EFCAB8: variants seen among roughly 807,000 people sequenced by gnomAD.
The protein encoded by EFCAB8 is EF-hand calcium binding domain 8.
Under a neutral mutation model 116.3 loss-of-function variants are expected in EFCAB8, and 100 were observed. That is an observed-to-expected ratio of 0.86 (90% confidence interval 0.73 to 1.02). EFCAB8 has a LOEUF of 1.02. Among genes scored for constraint, EFCAB8 ranks in the 50% least tolerant of loss-of-function variants. The pLI is 0.00. For synonymous variants in EFCAB8, 558 were observed against 567.9 expected (o/e 0.98, Z 0.25); for missense variants, 1,320 against 1,416.9 (o/e 0.93, Z 1.10).
intron 5 of EFCAB8, among the ~76,000 whole-genome samples, chr20:32,882,607 A>G (rs6141840): frequency 0.23 from 35,046 of 152,012 alleles, 4,240 homozygotes; most frequent in East Asian, 0.35. Flanking sequence ...TGCAACCTCC[A>G]CTTCCTGGGT....
Position 32,891,890 on chromosome 20 carries a change from A to G in EFCAB8, c.674-323A>G, listed in dbSNP as rs1285428925. On this transcript the variant is annotated intron_variant, in intron 7 of 26. Coordinates refer to ENST00000400522, the MANE Select transcript of EFCAB8 (RefSeq NM_001143967.2). ...GTCACCCAGGCTGTAGTGCAGTGGT[A>G]CAATCACTGCTCACTGCAGTCTCAA... is the stretch of plus-strand genomic sequence containing the variant. 2.0e-5 allele frequency among the ~76,000 whole-genome samples: 3 copies of G among 151,580 alleles called. No homozygotes were observed. In the East Asian group the frequency reaches 5.8e-4, roughly 29 times the overall value.
intron 22 of EFCAB8, among the ~76,000 whole-genome samples, chr20:32,933,988 CAATCA>C (rs1226212615): frequency 6.7e-6 from 1 of 149,664 alleles, no homozygotes; most frequent in Non-Finnish European, 1.5e-5. Flanking sequence ...AAAAATCAAT[CAATCA>C]AATCAAAGCA....
intron 23 of EFCAB8, among the ~76,000 whole-genome samples, chr20:32,955,909 T>C (rs1988952575): frequency 6.6e-6 from 1 of 152,208 alleles, no homozygotes; most frequent in Non-Finnish European, 1.5e-5. Context: ...AATTGAGTCT[T>C]ATTTTTTTCA....
At chr20:32,954,078 T>C (rs1409868752) in intron 23 of EFCAB8, among the ~76,000 whole-genome samples, 5 of 152,164 alleles carry the variant, frequency 3.3e-5, no homozygotes. Context: ...AGTGCTGGGA[T>C]CTTAGATGTG....
chr20:32,872,054 T>C lies in EFCAB8; in HGVS notation c.209-3872T>C, dbSNP rs556204508. On this transcript the variant is annotated intron_variant, in intron 3 of 26. Coordinates refer to ENST00000400522, the MANE Select transcript of EFCAB8 (RefSeq NM_001143967.2). ...TGGCTGTAACTCCAGATAAACAAGA[T>C]GGGTCCCTCTTTTAGCAAGGCATGA... Among the ~76,000 whole-genome samples the C allele has an allele frequency of 9.2e-5, 14 of 152,306 alleles. No individual in the cohort carries two copies. In the South Asian group the frequency reaches 2.9e-3, roughly 32 times the overall value.
intron 17 of EFCAB8, 94 bp from the exon 18 acceptor site, chr20:32,917,207 G>A (rs559266345): frequency 5.8e-5 from 57 of 990,566 alleles, no homozygotes; most frequent in Admixed American, 3.1e-4. Context: ...CCTCTGAGTC[G>A]GCTCCCAGAA....
chr20:32,927,365 G>A (rs1393587501), intron 20 of EFCAB8, among the ~76,000 whole-genome samples: 2 of 151,874 alleles, frequency 1.3e-5, no homozygotes, highest in Non-Finnish European at 2.9e-5. Flanking sequence ...ATTTTTTTGA[G>A]ACAGAGTCTC....
At position 32,959,923 on chromosome 20, in the gene EFCAB8, G is replaced by A. The variant is rs1989089266; in HGVS notation, c.3235G>A (p.Glu1079Lys). 2 of 1,551,688 alleles carry A rather than the reference G, an allele frequency of 1.3e-6. No homozygotes were observed. ...GGCCCTGATGTCCCCGTGGGCCGGA[G>A]AGCGCCCCCTGGAAGACATTGAGGA... ...KMALMSPWAG[E>K]RPLEDIEDSW... Residue 1079 changes from glutamate (E) to lysine (K), a missense_variant, in exon 25 of 27, where the codon GAG (glutamate) becomes AAG (lysine). Coordinates refer to ENST00000400522, the MANE Select transcript of EFCAB8 (RefSeq NM_001143967.2).
intron 22 of EFCAB8, among the ~76,000 whole-genome samples, chr20:32,939,998 T>C (rs1229248683): frequency 9.7e-6 from 1 of 102,696 alleles, no homozygotes; most frequent in East Asian, 2.2e-4. Context: ...CCTGCCTGCC[T>C]GCCTGCCTCC....
intron 3 of EFCAB8, 106 bp downstream of exon 3, chr20:32,867,853 G>A (rs767471541): frequency 1.2e-5 from 15 of 1,274,778 alleles, no homozygotes; most frequent in Non-Finnish European, 1.2e-5. Flanking sequence ...TTTTTTTTTT[G>A]TTTTTGAGAC....
chr20:32,905,759 C>CAAAAAAAAAAAAAAAAAAA (rs571052063), intron 11 of EFCAB8, among the ~76,000 whole-genome samples: 12 of 71,482 alleles, frequency 1.7e-4, no homozygotes, highest in Non-Finnish European at 2.3e-4. Context: ...GACTCCATCT[C>CAAAAAAAAAAAAAAAAAAA]AAAAAAAAAA....
At chr20:32,904,037 A>T (rs2146231738) in intron 11 of EFCAB8, among the ~76,000 whole-genome samples, 1 of 151,996 alleles carries the variant, frequency 6.6e-6, no homozygotes, top group Middle Eastern at 3.4e-3. Flanking sequence ...TTTCTGAGGC[A>T]GGGTGTCGTT....
chr20:32,929,040 A>T (rs770871404), intron 20 of EFCAB8, among the ~76,000 whole-genome samples: 1 of 152,006 alleles, frequency 6.6e-6, no homozygotes, highest in Non-Finnish European at 1.5e-5. Flanking sequence ...TCACTTGGTC[A>T]TGGTATATAA....
chr20:32,876,296 G>A (rs1159098067), intron 4 of EFCAB8, among the ~76,000 whole-genome samples: 1 of 152,166 alleles, frequency 6.6e-6, no homozygotes, highest in Non-Finnish European at 1.5e-5. Flanking sequence ...AGTGTGCAGC[G>A]GTGACCCCAC....
intron 3 of EFCAB8, among the ~76,000 whole-genome samples, chr20:32,872,391 G>A (rs1308135011): frequency 6.6e-6 from 1 of 152,282 alleles, no homozygotes; most frequent in Non-Finnish European, 1.5e-5. Context: ...ACCCTCAGGG[G>A]ACCAATGTTT....
intron 5 of EFCAB8, among the ~76,000 whole-genome samples, chr20:32,883,729 C>T (rs976657479): frequency 6.6e-6 from 1 of 151,950 alleles, no homozygotes; most frequent in Non-Finnish European, 1.5e-5. Flanking sequence ...CTCACTCTGT[C>T]ACCCAGGCTG....
intron 11 of EFCAB8, among the ~76,000 whole-genome samples, chr20:32,901,835 G>A (rs771772884): frequency 7.2e-5 from 11 of 152,146 alleles, no homozygotes; most frequent in Non-Finnish European, 1.2e-4. Flanking sequence ...TTACAGGCAC[G>A]CGCCATCATG....
intron 5 of EFCAB8, 90 bp downstream of exon 5, chr20:32,878,897 C>A: frequency 1.7e-6 from 2 of 1,156,168 alleles, no homozygotes; most frequent in Non-Finnish European, 2.5e-6. Flanking sequence ...CAATCCGTGA[C>A]CTTGCTGGTG....
chr20:32,926,959 C>T (rs1056358032), intron 20 of EFCAB8, among the ~76,000 whole-genome samples: 4 of 150,970 alleles, frequency 2.6e-5, no homozygotes, highest in South Asian at 2.1e-4. Flanking sequence ...TGAATAATGC[C>T]GCAATAAACA....
Sources: gnomAD v4.1 joint callset for allele counts (sites outside exome capture counted in the v4.1 genomes callset) on GRCh38, gnomAD v4.1.1 for gene constraint, MANE v1.5 for transcripts, NCBI Gene and HGNC (gene_info 2026-07-23, HGNC 2026-07-21) for gene names.